DPYS: variants seen among roughly 807,000 people sequenced by gnomAD.
DPYS encodes the protein dihydropyrimidine amidohydrolase.
Under a neutral mutation model 50.3 loss-of-function variants are expected in DPYS, and 39 were observed. The observed-to-expected ratio is 0.78, with a 90% CI of 0.60 to 1.01. The LOEUF (loss-of-function observed/expected upper bound fraction) is 1.01, where lower values mean the gene tolerates loss of function less well. DPYS is among the 50% of genes least tolerant of loss of function. The probability of loss-of-function intolerance (pLI) is 0.00; values close to 1 mark genes in which losing one functional copy is unlikely to be tolerated. For synonymous variants in DPYS, 245 were observed against 250.7 expected (o/e 0.98, Z 0.22); for missense variants, 659 against 680.9 (o/e 0.97, Z 0.36).
intron 1 of DPYS, among the ~76,000 whole-genome samples, chr8:104,461,151 G>C (rs921719779): frequency 6.0e-5 from 9 of 150,804 alleles, no homozygotes; most frequent in African/African-American, 2.2e-4. Flanking sequence ...AAATTAGCTG[G>C]GCATGGTGGC....
chr8:104,448,441 C>T (rs1343628026), intron 2 of DPYS, among the ~76,000 whole-genome samples: 2 of 152,142 alleles, frequency 1.3e-5, no homozygotes. Context: ...CAGGCATGAG[C>T]CTCCGCGCCC....
intron 6 of DPYS, among the ~76,000 whole-genome samples, chr8:104,427,569 G>A (rs1812775407): frequency 6.6e-6 from 1 of 151,938 alleles, no homozygotes. Context: ...GTGAGCCACT[G>A]CACCCTGCCC....
chr8:104,432,460 C>T (rs574860750), intron 4 of DPYS, among the ~76,000 whole-genome samples: 3 of 152,290 alleles, frequency 2.0e-5, no homozygotes, highest in Admixed American at 6.5e-5. Context: ...GAAAGATGCA[C>T]AGAAAAAGCA....
chr8:104,383,570 T>A (rs1428667374), intron 8 of DPYS, among the ~76,000 whole-genome samples: 1 of 151,246 alleles, frequency 6.6e-6, no homozygotes, highest in Non-Finnish European at 1.5e-5. Flanking sequence ...GCTCTTTTGT[T>A]GTGCTGCATC....
intron 4 of DPYS, among the ~76,000 whole-genome samples, chr8:104,433,440 C>G (rs1813019677): frequency 6.6e-6 from 1 of 152,030 alleles, no homozygotes; most frequent in Non-Finnish European, 1.5e-5. Context: ...GAAAGGCAGC[C>G]TGGCTAACAT....
At chr8:104,449,115 T>C (rs1424093781) in intron 2 of DPYS, among the ~76,000 whole-genome samples, 3 of 152,174 alleles carry the variant, frequency 2.0e-5, no homozygotes, top group Non-Finnish European at 4.4e-5. Context: ...TGGAATGTGC[T>C]CCAAGTTAGG....
At chr8:104,436,933 A>G (rs925174927) in intron 4 of DPYS, among the ~76,000 whole-genome samples, 8 of 152,134 alleles carry the variant, frequency 5.3e-5, no homozygotes, top group Non-Finnish European at 8.8e-5. Flanking sequence ...GGAACCATGG[A>G]AAAAAAGAGC....
chr8:104,409,048 G>A (rs189825904), intron 7 of DPYS, among the ~76,000 whole-genome samples: 96 of 151,438 alleles, frequency 6.3e-4, no homozygotes, highest in African/African-American at 2.1e-3. Flanking sequence ...TCCTGACCTC[G>A]TGATCCCAAA....
At chr8:104,427,050 A>C (rs1039155916) in intron 6 of DPYS, among the ~76,000 whole-genome samples, 6 of 151,492 alleles carry the variant, frequency 4.0e-5, no homozygotes, top group African/African-American at 1.5e-4. Context: ...AAAATACAAA[A>C]ATTTGCCAGT....
chr8:104,456,288 A>G (rs1265478543), intron 1 of DPYS, among the ~76,000 whole-genome samples: 1 of 152,178 alleles, frequency 6.6e-6, no homozygotes, highest in Non-Finnish European at 1.5e-5. Flanking sequence ...GTGACACATG[A>G]CCATAAATGG....
At chr8:104,427,157 C>G (rs1812753930) in intron 6 of DPYS, among the ~76,000 whole-genome samples, 1 of 144,948 alleles carries the variant, frequency 6.9e-6, no homozygotes, top group Admixed American at 7.0e-5. Flanking sequence ...GCCAAGATTG[C>G]ACCACTGCAC....
At chr8:104,440,665 A>G (rs1813320942) in intron 4 of DPYS, among the ~76,000 whole-genome samples, 1 of 152,140 alleles carries the variant, frequency 6.6e-6, no homozygotes, top group Non-Finnish European at 1.5e-5. Context: ...AGGCTGAGGC[A>G]GGAGAAGCGC....
intron 8 of DPYS, among the ~76,000 whole-genome samples, chr8:104,388,895 C>G (rs969663447): frequency 2.3e-4 from 35 of 152,322 alleles, no homozygotes; most frequent in Admixed American, 7.8e-4. Flanking sequence ...AAATCAAGCT[C>G]TCACAAGATA....
intron 4 of DPYS, among the ~76,000 whole-genome samples, chr8:104,443,633 C>T (rs1813425500): frequency 6.6e-6 from 1 of 152,176 alleles, no homozygotes; most frequent in African/African-American, 2.4e-5. Context: ...TGGCTCACAC[C>T]TGTAATCCCA....
In DPYS at chr8:104,467,005, C is replaced by G. The variant is rs778522047; in HGVS notation, c.-85G>C. On this transcript the variant is annotated 5_prime_UTR_variant, in exon 1 of 10. Coordinates refer to ENST00000351513, the MANE Select transcript of DPYS (RefSeq NM_001385.3). ...GGCCGGGCGGGCTTGGGGTGCCCTC[C>G]TGCAAGGTCCCCACCGACAGCCCCC... 41 of 1,339,408 alleles carry G rather than the reference C, an allele frequency of 3.1e-5. 1 individual carries two copies. Among genetic ancestry groups the G allele is most frequent in the Non-Finnish European group, 3.8e-5 (40 of 1,046,496 alleles). The allele number at this position is 1,339,408 out of a possible 1,614,324, so 83.0% of individuals were successfully genotyped here. A position where few individuals can be genotyped will look rare whatever the true frequency, so the allele number is the denominator to read the frequency against.
intron 4 of DPYS, among the ~76,000 whole-genome samples, chr8:104,440,484 T>C (rs753557677): frequency 9.2e-5 from 14 of 152,166 alleles, no homozygotes; most frequent in Non-Finnish European, 1.9e-4. Flanking sequence ...GAAGACAGAA[T>C]GGGCTCCTGA....
chr8:104,447,553 G>A, intron 2 of DPYS, 50 bp from the exon 3 acceptor site: 1 of 1,594,462 alleles, frequency 6.3e-7, no homozygotes, highest in Non-Finnish European at 8.6e-7. Flanking sequence ...TAATTTAAAT[G>A]ATAATTTCAA....
At position 104,405,557 on chromosome 8, in the gene DPYS, T is replaced by C. The variant is rs151161145; in HGVS notation, c.1236-12566A>G. Among the ~76,000 whole-genome samples, 251 of 152,354 alleles carry C rather than the reference T, an allele frequency of 1.6e-3. 1 individual carries two copies. Among genetic ancestry groups the C allele is most frequent in the Middle Eastern group, 3.4e-3 (1 of 294 alleles). Reference sequence around the variant, plus strand: ...TCATTGACACTCCTGAAATAAAGCATCTTGGAGGCTCTGTCAGAGCTAGAA... The same window carrying C: ...TCATTGACACTCCTGAAATAAAGCACCTTGGAGGCTCTGTCAGAGCTAGAA... On this transcript the variant is annotated intron_variant, in intron 7 of 9. Coordinates refer to ENST00000351513, the MANE Select transcript of DPYS (RefSeq NM_001385.3).
intron 7 of DPYS, among the ~76,000 whole-genome samples, chr8:104,405,403 G>C (rs898379796): frequency 2.0e-5 from 3 of 152,170 alleles, no homozygotes; most frequent in Admixed American, 2.0e-4. Context: ...AAGGATGAAA[G>C]CACTATACTC....
Sources: gnomAD v4.1 joint callset for allele counts (sites outside exome capture counted in the v4.1 genomes callset) on GRCh38, gnomAD v4.1.1 for gene constraint, MANE v1.5 for transcripts, NCBI Gene and HGNC (gene_info 2026-07-23, HGNC 2026-07-21) for gene names.